RGS7: variants seen among roughly 807,000 people sequenced by gnomAD.
RGS7 encodes regulator of G protein signaling 7.
Under a neutral mutation model 81.1 loss-of-function variants are expected in RGS7, and 27 were observed. The observed-to-expected ratio is 0.33, with a 90% CI of 0.25 to 0.46. RGS7 has a LOEUF of 0.46. Among genes scored for constraint, RGS7 ranks in the 20% least tolerant of loss-of-function variants. RGS7 has a pLI of 1.00. For missense variants in RGS7, 396 were observed against 607.4 expected, an observed-to-expected ratio of 0.65 and a Z score of 3.66; for synonymous variants, 208 against 207.7, an observed-to-expected ratio of 1.00 and a Z score of -0.01.
intron 6 of RGS7, among the ~76,000 whole-genome samples, chr1:240,927,226 C>T (rs1309346927): frequency 1.3e-5 from 2 of 152,050 alleles, no homozygotes; most frequent in African/African-American, 2.4e-5. Context: ...GCCACCATGC[C>T]CAGCTAATTT....
chr1:241,047,201 C>T (rs979128032), intron 3 of RGS7, among the ~76,000 whole-genome samples: 4 of 152,180 alleles, frequency 2.6e-5, no homozygotes, highest in Admixed American at 2.0e-4. Context: ...TTGCTCCCAA[C>T]CAATGATGAA....
intron 3 of RGS7, among the ~76,000 whole-genome samples, chr1:241,094,412 A>G (rs2064108465): frequency 6.6e-6 from 1 of 152,048 alleles, no homozygotes; most frequent in Non-Finnish European, 1.5e-5. Flanking sequence ...GTCACATACA[A>G]CCTGTGCAGC....
At chr1:241,261,336 C>T (rs974324249) in intron 2 of RGS7, among the ~76,000 whole-genome samples, 2 of 151,948 alleles carry the variant, frequency 1.3e-5, no homozygotes, top group African/African-American at 4.8e-5. Context: ...GCTCTTGCTA[C>T]ATTTTAAGTT....
chr1:240,896,941 G>T (rs1446659178), intron 6 of RGS7, among the ~76,000 whole-genome samples: 1 of 152,132 alleles, frequency 6.6e-6, no homozygotes, highest in African/African-American at 2.4e-5. Flanking sequence ...CCATTTGTTT[G>T]TGTCTTCTTT....
At chr1:241,248,706 T>C (rs2076682100) in intron 2 of RGS7, among the ~76,000 whole-genome samples, 1 of 152,084 alleles carries the variant, frequency 6.6e-6, no homozygotes, top group Non-Finnish European at 1.5e-5. Flanking sequence ...ATCCTTAAAG[T>C]GTCACAATCT....
chr1:241,265,119 C>A (rs1348795438), intron 2 of RGS7, among the ~76,000 whole-genome samples: 1 of 152,210 alleles, frequency 6.6e-6, no homozygotes, highest in Non-Finnish European at 1.5e-5. Flanking sequence ...ACAAAGCCTA[C>A]CTCCCACATC....
At position 240,870,107 on chromosome 1, in the gene RGS7, C is replaced by T; in HGVS notation, c.398G>A (p.Cys133Tyr). The T allele has an allele frequency of 6.2e-7, 1 of 1,613,876 alleles. No homozygotes were observed. The highest frequency in any genetic ancestry group is 8.5e-7 in the Non-Finnish European group (1 of 1,179,904). ...PENTDYAVYL[C>Y]KRTMQNKARL... Reference sequence around the variant, plus strand: ...TGCCTTGTTTTGCATTGTTCTCTTGCAGAGGTAAACGGCTGAAAAAAAAAT... The same window carrying T: ...TGCCTTGTTTTGCATTGTTCTCTTGTAGAGGTAAACGGCTGAAAAAAAAAT... Residue 133 changes from cysteine to tyrosine, a missense_variant, in exon 7 of 19, where the codon TGC becomes TAC. Transcript: ENST00000440928.
At position 240,868,713 on chromosome 1, in the gene RGS7, T is replaced by C. The variant is rs781041822; in HGVS notation, c.528-45A>G. The C allele has an allele frequency of 1.9e-6, 3 of 1,607,800 alleles. No homozygotes were observed. Among genetic ancestry groups the C allele is most frequent in the Non-Finnish European group, 8.5e-7 (1 of 1,174,180 alleles). On this transcript the variant is annotated intron_variant, in intron 8 of 18. Coordinates refer to ENST00000440928, the MANE Select transcript of RGS7 (RefSeq NM_001364886.1). This position sits in a 1 kb window ranked among gnomAD's most constrained non-coding sequence, Gnocchi z 5.1. ...AGATAACATTTAGTATTAATTGTAG[T>C]GCCTCTCTGAACAAAAAGGCCACAA...
At chr1:240,828,881 G>A (rs1388700277) in intron 9 of RGS7, among the ~76,000 whole-genome samples, 1 of 152,166 alleles carries the variant, frequency 6.6e-6, no homozygotes, top group Non-Finnish European at 1.5e-5. Flanking sequence ...TAAAGCATTA[G>A]ATGTCCTTAG....
intron 2 of RGS7, among the ~76,000 whole-genome samples, chr1:241,191,906 C>T (rs919827068): frequency 1.3e-5 from 2 of 152,216 alleles, no homozygotes; most frequent in Non-Finnish European, 2.9e-5. Flanking sequence ...GGGTGCCTCA[C>T]TACCATCTAA....
chr1:241,030,373 T>TATATATATATATATATATATATATATAC lies in RGS7; in HGVS notation c.176-47245_176-47244insGTATATATATATATATATATATATATAT, dbSNP rs374223475. Among the ~76,000 whole-genome samples, 12 of 135,180 alleles carry TATATATATATATATATATATATATATAC rather than the reference T, an allele frequency of 8.9e-5. 1 individual carries two copies. The highest frequency in any genetic ancestry group is 2.8e-4 in the African/African-American group (10 of 35,266). 88.7% of individuals were successfully genotyped at this position (135,180 alleles called of 152,430 possible). On this transcript the variant is annotated intron_variant, in intron 3 of 18. Coordinates refer to ENST00000440928, the MANE Select transcript of RGS7 (RefSeq NM_001364886.1). Reference sequence around the variant, plus strand: ...CCAGAACTTATAGCATATATATATATACATACACACATACATACACACACA... The same window carrying TATATATATATATATATATATATATATAC: ...CCAGAACTTATAGCATATATATATATATATATATATATATATATATATATATACACATACACACATACATACACACACA...
chr1:241,135,671 A>G (rs2067455704), intron 2 of RGS7, among the ~76,000 whole-genome samples: 1 of 151,670 alleles, frequency 6.6e-6, no homozygotes. Context: ...GCCCTTGAAA[A>G]ACCCCTAACC....
At chr1:240,855,524 G>A (rs540093746) in intron 9 of RGS7, among the ~76,000 whole-genome samples, 91 of 150,984 alleles carry the variant, frequency 6.0e-4, no homozygotes, top group African/African-American at 2.2e-3. Flanking sequence ...TTGACCTCCC[G>A]GGCTCGAGTG....
chr1:240,975,996 C>T (rs1056640268), intron 4 of RGS7, among the ~76,000 whole-genome samples: 2 of 152,214 alleles, frequency 1.3e-5, no homozygotes, highest in African/African-American at 2.4e-5. Flanking sequence ...AAATGTGACA[C>T]AAACAGAAAC....
intron 6 of RGS7, among the ~76,000 whole-genome samples, chr1:240,878,489 C>CTTTTTTTTTTTTTTTTTTT (rs57896753): frequency 6.8e-5 from 8 of 117,576 alleles, no homozygotes; most frequent in African/African-American, 1.5e-4. Flanking sequence ...TTTTTTCTTT[C>CTTTTTTTTTTTTTTTTTTT]TTTTTTTTTT....
At chr1:241,245,684 G>A (rs1416834650) in intron 2 of RGS7, among the ~76,000 whole-genome samples, 5 of 152,086 alleles carry the variant, frequency 3.3e-5, no homozygotes, top group Non-Finnish European at 5.9e-5. Context: ...GCAAGTGCCT[G>A]TAATCCTAGC....
At chr1:241,127,923 GA>G (rs560849136) in intron 2 of RGS7, among the ~76,000 whole-genome samples, 2 of 151,794 alleles carry the variant, frequency 1.3e-5, no homozygotes, top group African/African-American at 2.4e-5. Flanking sequence ...AAGTATACTT[GA>G]AAAAAAAGTA....
chr1:240,887,226 G>GTTTTTTTTTTTT (rs71297739), intron 6 of RGS7, among the ~76,000 whole-genome samples: 2 of 76,434 alleles, frequency 2.6e-5, no homozygotes, highest in African/African-American at 7.4e-5. Context: ...GAGTATATAG[G>GTTTTTTTTTTTT]TTTTTTTTTT....
At chr1:241,327,141 A>AGAAAGAAAGAAG (rs1553320905) in intron 2 of RGS7, among the ~76,000 whole-genome samples, 1 of 78,692 alleles carries the variant, frequency 1.3e-5, no homozygotes, top group East Asian at 4.2e-4. Flanking sequence ...AAAGAAAGAA[A>AGAAAGAAAGAAG]GAAAGGAAAG....
Sources: allele counts gnomAD v4.1 joint callset (sites outside exome capture counted in the v4.1 genomes callset), GRCh38; gene constraint gnomAD v4.1.1; non-coding constraint Gnocchi (gnomAD v3.1); transcripts MANE v1.5; gene names NCBI Gene and HGNC (gene_info 2026-07-23, HGNC 2026-07-21).